Variants in SUMF1 observed in about 807,000 individuals in gnomAD.
SUMF1 encodes sulfatase modifying factor 1.
In SUMF1, 48 loss-of-function variants were observed where a neutral mutation model predicts 47.6. That is an observed-to-expected ratio of 1.01 (90% CI 0.80 to 1.28). SUMF1 has a LOEUF of 1.28. Ranked by LOEUF, SUMF1 falls within the 50% of genes most tolerant of loss-of-function variation. SUMF1 has a pLI of 0.00. For synonymous variants in SUMF1, 230 were observed against 192.1 expected, an observed-to-expected ratio of 1.20 and a Z score of -1.63; for missense variants, 571 against 485.4, an observed-to-expected ratio of 1.18 and a Z score of -1.66.
At chr3:4,453,529 AC>A (rs1703049191) in intron 1 of SUMF1, among the ~76,000 whole-genome samples, 1 of 144,620 alleles carries the variant, frequency 6.9e-6, no homozygotes, top group Non-Finnish European at 1.5e-5. Flanking sequence ...ACCATGCCCA[AC>A]TAATTTTTTT....
intron 8 of SUMF1, among the ~76,000 whole-genome samples, chr3:4,125,407 A>G (rs1172476603): frequency 6.6e-6 from 1 of 152,154 alleles, no homozygotes; most frequent in Non-Finnish European, 1.5e-5. Flanking sequence ...ACAAAGCACT[A>G]AAATAAATGT....
Position 4,249,728 on chromosome 3 carries a change from T to A in SUMF1, c.1014+126602A>T, listed in dbSNP as rs148467217. The stretch of plus-strand genomic sequence containing the variant: ...GTCTCTCACTTTAAATCAAGAGAGT[T>A]AGAAATTATGAATCTTAGTGAAAAA... On this transcript the variant is annotated intron_variant and NMD_transcript_variant, in intron 8 of 12. Coordinates refer to the SUMF1 transcript ENST00000448413. 2.9e-3 allele frequency among the ~76,000 whole-genome samples: 443 copies of A among 152,296 alleles called. 5 individuals carry two copies. The highest frequency in any genetic ancestry group is 0.01 in the African/African-American group (418 of 41,552).
chr3:4,267,961 C>A (rs1179922068), intron 8 of SUMF1, among the ~76,000 whole-genome samples: 1 of 148,088 alleles, frequency 6.8e-6, no homozygotes, highest in East Asian at 1.9e-4. Context: ...GCACTATTCA[C>A]AATAGCAAAG....
At chr3:4,084,784 C>T (rs1692637321) in intron 8 of SUMF1, among the ~76,000 whole-genome samples, 1 of 151,986 alleles carries the variant, frequency 6.6e-6, no homozygotes, top group Non-Finnish European at 1.5e-5. Flanking sequence ...TTGTATCTTG[C>T]AAAAGGGTAT....
chr3:4,193,572 C>G (rs1254213423), intron 8 of SUMF1, among the ~76,000 whole-genome samples: 1 of 152,044 alleles, frequency 6.6e-6, no homozygotes, highest in Non-Finnish European at 1.5e-5. Context: ...AATTGTATTA[C>G]AGCATTATGG....
rs551591482 is a variant in SUMF1, at chr3:4,246,530, C to A, written c.1014+129800G>T. Among the ~76,000 whole-genome samples, 450 of 152,082 alleles carry A rather than the reference C, an allele frequency of 3.0e-3. 4 individuals carry two copies. The highest frequency in any genetic ancestry group is 0.01 in the African/African-American group (425 of 41,488). On this transcript the variant is annotated intron_variant and NMD_transcript_variant, in intron 8 of 12. Transcript: ENST00000448413. Reference sequence around the variant, plus strand: ...GATTCTCCTGTCTCAGCCTCCTGAGCAGCTGGGACTACAGGCGCACGCCAC... The same window carrying A: ...GATTCTCCTGTCTCAGCCTCCTGAGAAGCTGGGACTACAGGCGCACGCCAC...
At chr3:4,053,811 T>C (rs1695151803) in intron 9 of SUMF1, among the ~76,000 whole-genome samples, 1 of 152,126 alleles carries the variant, frequency 6.6e-6, no homozygotes, top group South Asian at 2.1e-4. Flanking sequence ...CTCGAGGTGA[T>C]CAGTGTTGGT....
intron 8 of SUMF1, among the ~76,000 whole-genome samples, chr3:4,082,766 T>A (rs534630026): frequency 7.2e-4 from 110 of 152,162 alleles, no homozygotes; most frequent in Middle Eastern, 3.4e-3. Context: ...TTACATCCTG[T>A]TTGGGGGAGA....
At chr3:4,430,949 T>A (rs1385273883) in intron 3 of SUMF1, among the ~76,000 whole-genome samples, 1 of 152,138 alleles carries the variant, frequency 6.6e-6, no homozygotes, top group East Asian at 1.9e-4. Context: ...TTTTGTTAAA[T>A]AAAATGTACC....
intron 5 of SUMF1, among the ~76,000 whole-genome samples, chr3:4,417,535 T>C (rs1701753427): frequency 6.6e-6 from 1 of 152,220 alleles, no homozygotes; most frequent in Non-Finnish European, 1.5e-5. Context: ...GACCTCATTT[T>C]GGACTTATAT....
intron 7 of SUMF1, among the ~76,000 whole-genome samples, chr3:4,395,879 A>G (rs1701023879): frequency 6.6e-6 from 1 of 152,250 alleles, no homozygotes; most frequent in Non-Finnish European, 1.5e-5. Context: ...TAAATAGCAC[A>G]TAAATAAACA....
chr3:4,315,892 C>G (rs1284136401), intron 8 of SUMF1, among the ~76,000 whole-genome samples: 1 of 151,622 alleles, frequency 6.6e-6, no homozygotes, highest in Non-Finnish European at 1.5e-5. Flanking sequence ...ACTAAAAATA[C>G]AAAAATTAGT....
chr3:4,281,485 CA>C (rs979628723), intron 8 of SUMF1, among the ~76,000 whole-genome samples: 28 of 152,202 alleles, frequency 1.8e-4, no homozygotes, highest in African/African-American at 6.5e-4. Context: ...TCCATTTTTA[CA>C]GGTAAAGTAA....
chr3:4,065,326 G>T (rs1241019812), intron 9 of SUMF1, among the ~76,000 whole-genome samples: 1 of 151,994 alleles, frequency 6.6e-6, no homozygotes, highest in Non-Finnish European at 1.5e-5. Context: ...AATGAGAATG[G>T]GAAATCTAAA....
chr3:4,073,072 C>T (rs995924941), intron 8 of SUMF1, among the ~76,000 whole-genome samples: 10 of 152,132 alleles, frequency 6.6e-5, no homozygotes, highest in East Asian at 1.9e-4. Context: ...AAAATGTTAA[C>T]GGCAGCCAGA....
chr3:4,081,549 T>C (rs1692559986), intron 8 of SUMF1, among the ~76,000 whole-genome samples: 1 of 152,022 alleles, frequency 6.6e-6, no homozygotes, highest in South Asian at 2.1e-4. Context: ...TCCAGTAGAG[T>C]GGTTTAGAAA....
rs528252346 is a variant in SUMF1 at position 4,239,568 on chromosome 3, CTCTG to C, written c.1014+136758_1014+136761del. On this transcript the variant is annotated intron_variant and NMD_transcript_variant, in intron 8 of 12. Coordinates refer to the SUMF1 transcript ENST00000448413. ...ATGGGAGTTCACTCATGATTTGGCTCTCTGTCTGTTATTGGTGTATAGGAATGCT... is the reference window on the plus strand; with the variant it reads ...ATGGGAGTTCACTCATGATTTGGCTCTCTGTTATTGGTGTATAGGAATGCT... 2.0e-3 allele frequency among the ~76,000 whole-genome samples: 309 copies of C among 151,774 alleles called. 2 individuals carry two copies. The highest frequency in any genetic ancestry group is 6.8e-3 in the African/African-American group (281 of 41,490).
rs9859091 is a variant in SUMF1 at position 4,039,280 on chromosome 3, G to C, written c.1191+29289C>G. ...GTACATGTGCACATTGTGCAGGTTAGTTACATATGTATACATGTGCCATGC... is the reference window on the plus strand; with the variant it reads ...GTACATGTGCACATTGTGCAGGTTACTTACATATGTATACATGTGCCATGC... On this transcript the variant is annotated intron_variant and NMD_transcript_variant, in intron 9 of 12. Transcript: ENST00000448413. 1.1e-3 allele frequency among the ~76,000 whole-genome samples: 106 copies of C among 99,096 alleles called. 4 individuals carry two copies. Among genetic ancestry groups the C allele is most frequent in the African/African-American group, 4.3e-3 (104 of 23,992 alleles). 65.0% of individuals were successfully genotyped at this position (99,096 alleles called of 152,430 possible).
intron 8 of SUMF1, among the ~76,000 whole-genome samples, chr3:4,117,377 C>T (rs1693444897): frequency 6.6e-6 from 1 of 151,994 alleles, no homozygotes; most frequent in South Asian, 2.1e-4. Context: ...GACAAAATGA[C>T]AAATTATTCC....
Sources: gnomAD v4.1 joint callset for allele counts (sites outside exome capture counted in the v4.1 genomes callset) on GRCh38, gnomAD v4.1.1 for gene constraint, MANE v1.5 for transcripts, NCBI Gene and HGNC (gene_info 2026-07-23, HGNC 2026-07-21) for gene names.